SLC7A14: variants seen among roughly 807,000 people sequenced by gnomAD.
The protein encoded by SLC7A14 is gamma-aminobutyric acid transporter SLC7A14.
A neutral mutation model predicts 60.2 loss-of-function variants in SLC7A14; 37 were observed. The ratio of observed to expected loss-of-function variants is 0.61; its 90% confidence interval spans 0.47 to 0.81. The LOEUF is 0.81. Ranked by LOEUF, SLC7A14 falls within the 30% of genes least tolerant of loss-of-function variation. The pLI is 0.00. For synonymous variants in SLC7A14, 399 were observed against 395.8 expected, an observed-to-expected ratio of 1.01 and a Z score of -0.10; for missense variants, 886 against 982.7, an observed-to-expected ratio of 0.90 and a Z score of 1.32.
At chr3:170,517,396 A>G (rs1713199585) in intron 2 of SLC7A14, among the ~76,000 whole-genome samples, 1 of 152,192 alleles carries the variant, frequency 6.6e-6, no homozygotes, top group South Asian at 2.1e-4. Flanking sequence ...AGTGTTGTTA[A>G]CAGCAGTTTC....
chr3:170,527,371 C>G (rs879509275), intron 1 of SLC7A14, among the ~76,000 whole-genome samples: 1 of 152,206 alleles, frequency 6.6e-6, no homozygotes, highest in Non-Finnish European at 1.5e-5. Context: ...GTCTGTGTTT[C>G]AGTCTCAGCT....
chr3:170,506,731 T>C (rs1712790834), intron 2 of SLC7A14, among the ~76,000 whole-genome samples: 1 of 152,228 alleles, frequency 6.6e-6, no homozygotes, highest in Non-Finnish European at 1.5e-5. Flanking sequence ...TCTCTAATTC[T>C]GCTGAGTCAC....
At chr3:170,485,961 G>A (rs1712014905) in intron 5 of SLC7A14, among the ~76,000 whole-genome samples, 1 of 152,158 alleles carries the variant, frequency 6.6e-6, no homozygotes, top group African/African-American at 2.4e-5. Flanking sequence ...ACCAGCCCCT[G>A]GGGCAGCAGC....
intron 2 of SLC7A14, among the ~76,000 whole-genome samples, chr3:170,525,149 G>T (rs1203722036): frequency 6.6e-6 from 1 of 152,156 alleles, no homozygotes; most frequent in Non-Finnish European, 1.5e-5. Flanking sequence ...TCAGTACATG[G>T]GTTGGCCCAC....
intron 4 of SLC7A14, chr3:170,496,009 T>C: frequency 8.6e-7 from 1 of 1,159,522 alleles, no homozygotes. Context: ...GAGAATGAAT[T>C]TGTCCTCATC....
intron 2 of SLC7A14, chr3:170,502,735 A>T (rs1712654963): frequency 6.6e-6 from 1 of 152,234 alleles, no homozygotes; most frequent in South Asian, 2.1e-4. Flanking sequence ...AATGCAAAGA[A>T]GCAAAAACAG....
chr3:170,553,866 A>G (rs1277108341), intron 1 of SLC7A14, among the ~76,000 whole-genome samples: 1 of 144,734 alleles, frequency 6.9e-6, no homozygotes, highest in Non-Finnish European at 1.5e-5. Context: ...TTTTTTTGGC[A>G]TGGTTTGACA....
At chr3:170,488,373 T>C (rs932258311) in intron 4 of SLC7A14, among the ~76,000 whole-genome samples, 4 of 152,228 alleles carry the variant, frequency 2.6e-5, no homozygotes, top group Non-Finnish European at 4.4e-5. Flanking sequence ...GGAAAACGTC[T>C]TTGGCCTCCA....
chr3:170,505,174 T>C (rs890380616), intron 2 of SLC7A14, among the ~76,000 whole-genome samples: 2 of 152,114 alleles, frequency 1.3e-5, no homozygotes, highest in African/African-American at 4.8e-5. Context: ...TGAGAGACAG[T>C]TGTCTCTTGT....
intron 1 of SLC7A14, among the ~76,000 whole-genome samples, chr3:170,572,952 C>T (rs187711799): frequency 3.3e-5 from 5 of 152,116 alleles, no homozygotes; most frequent in Non-Finnish European, 7.4e-5. Flanking sequence ...GTTGTTTGGC[C>T]TCTTTTAGAG....
intron 1 of SLC7A14, among the ~76,000 whole-genome samples, chr3:170,562,036 G>T (rs1290670553): frequency 6.6e-6 from 1 of 152,238 alleles, no homozygotes; most frequent in East Asian, 1.9e-4. Context: ...CTTTTACACT[G>T]CTGGTGGGAA....
rs760610652 is a variant in SLC7A14, at chr3:170,501,100, C to T, written c.541+9G>A. The T allele has an allele frequency of 1.9e-6, 3 of 1,613,564 alleles. No individual in the cohort carries two copies. In the South Asian group the frequency reaches 3.3e-5, roughly 18 times the overall value. ...GCATGTTGAGGGTAGGAGGATGTGG[C>T]AGTCTCACCCAGGCCATTGAGGGTT... is the stretch of plus-strand genomic sequence containing the variant. On this transcript the variant is annotated intron_variant, in intron 3 of 7. Transcript: ENST00000231706.
chr3:170,526,661 G>T lies in SLC7A14; in HGVS notation c.276C>A (p.Ile92=), dbSNP rs1162974274. ...MAGPGVIVSF[I]IAAVASILSG... ...ATAATATGGATGCGACGGCTGCAAT[G>T]ATGAAGGACACAATGACACCAGGTC... The change falls in exon 2 of 8, where the codon ATC becomes ATA. Residue 92 remains isoleucine (I), a synonymous_variant. Transcript: ENST00000231706. 6.2e-7 allele frequency: 1 copy of T among 1,614,098 alleles called. No individual in the cohort carries two copies. Among genetic ancestry groups the T allele is most frequent in the Non-Finnish European group, 8.5e-7 (1 of 1,180,052 alleles).
chr3:170,485,118 C>T (rs1262123726), intron 5 of SLC7A14, among the ~76,000 whole-genome samples: 1 of 152,040 alleles, frequency 6.6e-6, no homozygotes, highest in African/African-American at 2.4e-5. Flanking sequence ...AACATTCTGC[C>T]CACTGGGATA....
Position 170,532,481 on chromosome 3 carries a change from C to T in SLC7A14, c.-152-5393G>A, listed in dbSNP as rs1713707267. Among the ~76,000 whole-genome samples the T allele has an allele frequency of 6.6e-6, 1 of 152,202 alleles. No individual in the cohort carries two copies. The highest frequency in any genetic ancestry group is 2.4e-5 in the African/African-American group (1 of 41,454). On this transcript the variant is annotated intron_variant, in intron 1 of 7. Coordinates refer to ENST00000231706, the MANE Select transcript of SLC7A14 (RefSeq NM_020949.3). The surrounding 1 kb of genome is among the most constrained non-coding windows in gnomAD (Gnocchi z 4.0). Reference sequence around the variant, plus strand: ...GCCTCTGCCTTTACTAACTAAGTGACCTTGGGCAAACCTCACTATGCGTCA... The same window carrying T: ...GCCTCTGCCTTTACTAACTAAGTGATCTTGGGCAAACCTCACTATGCGTCA...
chr3:170,518,069 C>T (rs954736240), intron 2 of SLC7A14, among the ~76,000 whole-genome samples: 2 of 152,190 alleles, frequency 1.3e-5, no homozygotes, highest in African/African-American at 2.4e-5. Context: ...TGGCACGGCA[C>T]TAAATAGTTG....
chr3:170,462,132 G>C lies in SLC7A14; in HGVS notation c.*4923C>G, dbSNP rs1739620477. 6.6e-6 allele frequency: 1 copy of C among 152,176 alleles called. No individual in the cohort carries two copies. Among genetic ancestry groups the C allele is most frequent in the South Asian group, 2.1e-4 (1 of 4,828 alleles). The allele number at this position is 152,176 out of a possible 1,614,324, so 9.4% of individuals were successfully genotyped here. ...CATTCTAATCTGAGATTCATAATTA[G>C]GTAAACCTGTGTTTGGCCCTCCGCG... is the stretch of plus-strand genomic sequence containing the variant. On this transcript the variant is annotated 3_prime_UTR_variant, in exon 8 of 8. Coordinates refer to ENST00000231706, the MANE Select transcript of SLC7A14 (RefSeq NM_020949.3).
chr3:170,583,095 G>A (rs967517723), intron 1 of SLC7A14, among the ~76,000 whole-genome samples: 5 of 152,158 alleles, frequency 3.3e-5, no homozygotes, highest in Admixed American at 2.6e-4. Context: ...TCTTATTAGG[G>A]CCTTTTCCCA....
chr3:170,467,906 A>G (rs937014444), intron 7 of SLC7A14, among the ~76,000 whole-genome samples: 4 of 152,218 alleles, frequency 2.6e-5, no homozygotes, highest in Non-Finnish European at 5.9e-5. Flanking sequence ...TCTTAGCAGC[A>G]TGCATATATT....
Sources: gnomAD v4.1 joint callset for allele counts (sites outside exome capture counted in the v4.1 genomes callset) on GRCh38, gnomAD v4.1.1 for gene constraint, Gnocchi (gnomAD v3.1) non-coding constraint, MANE v1.5 for transcripts, NCBI Gene and HGNC (gene_info 2026-07-23, HGNC 2026-07-21) for gene names.